Variants in FOXP1 observed in about 807,000 individuals in gnomAD.
The protein encoded by FOXP1 is forkhead box protein P1.
FOXP1 carries 15 observed loss-of-function variants against 98.2 expected under a neutral mutation model. The ratio of observed to expected loss-of-function variants is 0.15; its 90% confidence interval spans 0.10 to 0.24. The LOEUF (loss-of-function observed/expected upper bound fraction) is 0.24, where lower values mean the gene tolerates loss of function less well. FOXP1 is among the 10% of genes least tolerant of loss of function. FOXP1 has a pLI of 1.00. For missense variants in FOXP1, 633 were observed against 848.5 expected (o/e 0.75, Z 3.15); for synonymous variants, 371 against 314.5 (o/e 1.18, Z -1.90).
At chr3:71,114,913 T>A (rs934049023) in intron 6 of FOXP1, among the ~76,000 whole-genome samples, 1 of 152,180 alleles carries the variant, frequency 6.6e-6, no homozygotes, top group Non-Finnish European at 1.5e-5. Context: ...GAGTGAAGAT[T>A]TCATTTATAT....
At chr3:71,216,549 A>G (rs1039290652) in intron 5 of FOXP1, among the ~76,000 whole-genome samples, 3 of 152,170 alleles carry the variant, frequency 2.0e-5, no homozygotes, top group African/African-American at 7.2e-5. Context: ...CCATCAGTTC[A>G]CACACTGGGG....
intron 2 of FOXP1, among the ~76,000 whole-genome samples, chr3:71,511,552 T>G (rs1231248281): frequency 6.6e-6 from 1 of 151,900 alleles, no homozygotes; most frequent in African/African-American, 2.4e-5. Flanking sequence ...TGTCATCCAA[T>G]CCTAAACAAT....
At chr3:71,053,949 T>C (rs1306795127) in intron 7 of FOXP1, among the ~76,000 whole-genome samples, 176 bp from the exon 8 acceptor site, 1 of 152,232 alleles carries the variant, frequency 6.6e-6, no homozygotes, top group Non-Finnish European at 1.5e-5. Flanking sequence ...ATGGAGTTTA[T>C]TTTAAAGAAA....
At chr3:71,033,432 T>C (rs1230377216) in intron 11 of FOXP1, among the ~76,000 whole-genome samples, 1 of 152,088 alleles carries the variant, frequency 6.6e-6, no homozygotes, top group African/African-American at 2.4e-5. Flanking sequence ...ACCCATGATG[T>C]CATTTTATTG....
intron 3 of FOXP1, among the ~76,000 whole-genome samples, chr3:71,373,440 A>G (rs1366299051): frequency 2.6e-5 from 4 of 152,240 alleles, no homozygotes; most frequent in African/African-American, 9.6e-5. Context: ...AACAGAATAT[A>G]GGATCAATAC....
intron 2 of FOXP1, chr3:71,571,312 C>T (rs1192232743): frequency 1.3e-5 from 2 of 152,192 alleles, no homozygotes; most frequent in Non-Finnish European, 2.9e-5. Context: ...ATTAAAACTG[C>T]TGTCTAATGG....
intron 5 of FOXP1, among the ~76,000 whole-genome samples, chr3:71,228,981 T>TTTC (rs56144991): frequency 6.9e-6 from 1 of 145,694 alleles, no homozygotes. Context: ...TTTTTTTTTT[T>TTTC]GATGTCTCAT....
At chr3:71,231,115 G>C (rs1026831892) in intron 5 of FOXP1, among the ~76,000 whole-genome samples, 34 of 152,274 alleles carry the variant, frequency 2.2e-4, no homozygotes, top group African/African-American at 7.9e-4. Context: ...TTCTGCAGCT[G>C]ACAGCAAAAG....
At chr3:71,176,391 T>C (rs1352376114) in intron 6 of FOXP1, among the ~76,000 whole-genome samples, 1 of 152,198 alleles carries the variant, frequency 6.6e-6, no homozygotes, top group South Asian at 2.1e-4. Context: ...TAAACCCAGA[T>C]TTCCGCGTTC....
chr3:71,182,681 C>T (rs1185357211), intron 6 of FOXP1, among the ~76,000 whole-genome samples: 4 of 151,682 alleles, frequency 2.6e-5, no homozygotes, highest in South Asian at 2.1e-4. Flanking sequence ...AGGCAAGTGC[C>T]GCCATGCCCA....
chr3:71,181,178 T>C (rs963553892), intron 6 of FOXP1, among the ~76,000 whole-genome samples: 3 of 152,138 alleles, frequency 2.0e-5, no homozygotes, highest in African/African-American at 4.8e-5. Context: ...CCCAAGATGA[T>C]TGGATTTTAA....
chr3:71,125,297 A>G (rs950610729), intron 6 of FOXP1, among the ~76,000 whole-genome samples: 21 of 152,220 alleles, frequency 1.4e-4, no homozygotes, highest in Non-Finnish European at 7.3e-5. Context: ...CGCAGCCTGG[A>G]TAGAATCCCT....
At chr3:71,398,130 T>A (rs954150995) in intron 3 of FOXP1, among the ~76,000 whole-genome samples, 1 of 152,244 alleles carries the variant, frequency 6.6e-6, no homozygotes, top group Admixed American at 6.5e-5. Context: ...TGTCTTAACA[T>A]TATTTTAACA....
chr3:71,053,990 G>T (rs1038804567), intron 7 of FOXP1, among the ~76,000 whole-genome samples: 1 of 152,218 alleles, frequency 6.6e-6, no homozygotes, highest in African/African-American at 2.4e-5. Context: ...ACTGATGGGG[G>T]TTCCAGGCAG....
chr3:71,087,991 G>A (rs146857336), intron 7 of FOXP1, among the ~76,000 whole-genome samples: 12 of 152,318 alleles, frequency 7.9e-5, no homozygotes, highest in African/African-American at 2.6e-4. Flanking sequence ...TGTGAATCTG[G>A]CTTAGTGTGC....
chr3:71,017,407 T>G (rs1452087470), intron 11 of FOXP1, among the ~76,000 whole-genome samples: 1 of 151,914 alleles, frequency 6.6e-6, no homozygotes. Flanking sequence ...ATATTCCAAC[T>G]TTAATAATTA....
chr3:70,982,088 G>C (rs2038968849), intron 14 of FOXP1, among the ~76,000 whole-genome samples: 1 of 152,096 alleles, frequency 6.6e-6, no homozygotes, highest in Non-Finnish European at 1.5e-5. Flanking sequence ...AGAAAGAATG[G>C]AGAAGAAAGA....
chr3:71,004,933 T>A (rs1044445295), intron 12 of FOXP1, among the ~76,000 whole-genome samples: 4 of 152,022 alleles, frequency 2.6e-5, no homozygotes, highest in African/African-American at 9.7e-5. Context: ...TCAAATGGCC[T>A]CTAATGCAGC....
chr3:71,194,974 G>T (rs2063213925), intron 6 of FOXP1, among the ~76,000 whole-genome samples: 1 of 152,270 alleles, frequency 6.6e-6, no homozygotes, highest in African/African-American at 2.4e-5. Flanking sequence ...TTCCAGCCCA[G>T]AATCGCCAAC....
Sources: gnomAD v4.1 joint callset for allele counts (sites outside exome capture counted in the v4.1 genomes callset) on GRCh38, gnomAD v4.1.1 for gene constraint, MANE v1.5 for transcripts, NCBI Gene and HGNC (gene_info 2026-07-23, HGNC 2026-07-21) for gene names.